NEGR1: variants seen among roughly 807,000 people sequenced by gnomAD.
NEGR1 encodes neuronal growth regulator 1.
A neutral mutation model predicts 40.9 loss-of-function variants in NEGR1; 10 were observed. The ratio of observed to expected loss-of-function variants is 0.24; its 90% confidence interval spans 0.15 to 0.42. NEGR1 has a LOEUF of 0.42. Among genes scored for constraint, NEGR1 ranks in the 10% least tolerant of loss-of-function variants. The probability of loss-of-function intolerance (pLI) is 1.00; values close to 1 mark genes in which losing one functional copy is unlikely to be tolerated. For synonymous variants in NEGR1, 185 were observed against 166.8 expected (o/e 1.11, Z -0.84); for missense variants, 352 against 438.9 (o/e 0.80, Z 1.77).
At chr1:72,047,917 T>C (rs1166669160) in intron 1 of NEGR1, among the ~76,000 whole-genome samples, 1 of 151,534 alleles carries the variant, frequency 6.6e-6, no homozygotes, top group East Asian at 1.9e-4. Context: ...AGTATACAAA[T>C]ATTCTTCACT....
At chr1:72,178,024 T>C (rs1462218301) in intron 1 of NEGR1, among the ~76,000 whole-genome samples, 1 of 152,068 alleles carries the variant, frequency 6.6e-6, no homozygotes, top group Non-Finnish European at 1.5e-5. Context: ...ATTAACCTAG[T>C]TCTCAGATGT....
intron 2 of NEGR1, among the ~76,000 whole-genome samples, chr1:71,798,631 C>T (rs906108485): frequency 6.6e-6 from 1 of 152,156 alleles, no homozygotes; most frequent in Non-Finnish European, 1.5e-5. Flanking sequence ...TTGCTCAGAT[C>T]ACTTAATTGT....
At chr1:71,613,331 T>C (rs1650327669) in intron 4 of NEGR1, among the ~76,000 whole-genome samples, 1 of 151,886 alleles carries the variant, frequency 6.6e-6, no homozygotes, top group Non-Finnish European at 1.5e-5. Context: ...TTGACTGAGA[T>C]GAAAAGGACA....
At position 71,864,167 on chromosome 1, in the gene NEGR1, G is replaced by A. The variant is rs750548970; in HGVS notation, c.409+70912C>T. 3.9e-5 allele frequency among the ~76,000 whole-genome samples: 6 copies of A among 152,086 alleles called. No homozygotes were observed. The South Asian group carries it at 6.2e-4, about 16-fold the overall frequency. On this transcript the variant is annotated intron_variant, in intron 2 of 6. Coordinates refer to ENST00000357731, the MANE Select transcript of NEGR1 (RefSeq NM_173808.3). The stretch of plus-strand genomic sequence containing the variant: ...CAGGGGGCCGTCTTAGGGAGAGGTC[G>A]CCTGGGTCCACAGGTTTCATGGTAC...
At chr1:72,221,708 A>AT (rs1654017488) in intron 1 of NEGR1, among the ~76,000 whole-genome samples, 1 of 152,046 alleles carries the variant, frequency 6.6e-6, no homozygotes, top group African/African-American at 2.4e-5. Context: ...AAGTCCTATT[A>AT]ATTTTTTTTA....
intron 4 of NEGR1, among the ~76,000 whole-genome samples, chr1:71,652,492 C>A (rs529602438): frequency 6.6e-6 from 1 of 152,178 alleles, no homozygotes; most frequent in Non-Finnish European, 1.5e-5. Context: ...TATATGGCTA[C>A]TTATATACTA....
At chr1:71,984,744 T>G (rs1237683763) in intron 1 of NEGR1, among the ~76,000 whole-genome samples, 4 of 152,148 alleles carry the variant, frequency 2.6e-5, no homozygotes, top group Non-Finnish European at 5.9e-5. Context: ...CTTAATATTA[T>G]TTTTCAGAGA....
chr1:72,122,466 T>C (rs1225016539), intron 1 of NEGR1, among the ~76,000 whole-genome samples: 3 of 152,054 alleles, frequency 2.0e-5, no homozygotes, highest in Non-Finnish European at 1.5e-5. Flanking sequence ...CTTTTTCACA[T>C]ACATAAACTT....
intron 2 of NEGR1, among the ~76,000 whole-genome samples, chr1:71,844,244 C>T (rs143932782): frequency 2.2e-4 from 34 of 152,212 alleles, no homozygotes; most frequent in Admixed American, 5.9e-4. Context: ...CATAATGCCT[C>T]AATGGGGAAA....
intron 6 of NEGR1, chr1:71,422,553 G>A (rs2101281070): frequency 6.6e-6 from 1 of 152,252 alleles, no homozygotes; most frequent in Admixed American, 6.5e-5. Flanking sequence ...CTAAAGACAG[G>A]GGCCTAGGTC....
In NEGR1 at chr1:71,999,632, AATATATATATATATATATATAT is replaced by A. The variant is rs528857972; in HGVS notation, c.177-64343_177-64322del. ...ATGTATTTGCATCTTGAGCAAAGCA[AATATATATATATATATATATAT>A]ATATATATATATATATATATATATA... On this transcript the variant is annotated intron_variant, in intron 1 of 6. Transcript: ENST00000357731. Among the ~76,000 whole-genome samples the A allele has an allele frequency of 5.8e-3, 280 of 48,364 alleles. 8 individuals carry two copies. Among genetic ancestry groups the A allele is most frequent in the Non-Finnish European group, 6.5e-3 (163 of 25,046 alleles). The allele number at this position is 48,364 out of a possible 152,430, so 31.7% of individuals were successfully genotyped here. A position where few individuals can be genotyped will look rare whatever the true frequency, so the allele number is the denominator to read the frequency against.
chr1:71,629,027 A>G (rs1365575098), intron 4 of NEGR1, among the ~76,000 whole-genome samples: 1 of 152,084 alleles, frequency 6.6e-6, no homozygotes, highest in Non-Finnish European at 1.5e-5. Context: ...TTACACTCCC[A>G]CCAACAGTGT....
intron 1 of NEGR1, among the ~76,000 whole-genome samples, chr1:72,142,214 G>A (rs1178337971): frequency 2.6e-5 from 4 of 151,722 alleles, no homozygotes; most frequent in East Asian, 3.9e-4. Flanking sequence ...TTAATGCTTC[G>A]TTAAGGAGGT....
At chr1:71,933,078 G>C (rs1385652094) in intron 2 of NEGR1, among the ~76,000 whole-genome samples, 4 of 151,830 alleles carry the variant, frequency 2.6e-5, no homozygotes, top group African/African-American at 4.8e-5. Flanking sequence ...CAGTAACATG[G>C]ATTTTTCTTT....
At chr1:71,726,260 T>C (rs531787260) in intron 3 of NEGR1, among the ~76,000 whole-genome samples, 10 of 152,158 alleles carry the variant, frequency 6.6e-5, no homozygotes, top group Admixed American at 2.6e-4. Context: ...CCCACCCAGT[T>C]TGAGAGTGAG....
At chr1:72,279,211 T>C (rs1163430628) in intron 1 of NEGR1, among the ~76,000 whole-genome samples, 1 of 152,166 alleles carries the variant, frequency 6.6e-6, no homozygotes, top group African/African-American at 2.4e-5. Flanking sequence ...GATAACAGAA[T>C]GAATTTCCCT....
chr1:71,942,253 C>A (rs1212266155), intron 1 of NEGR1, among the ~76,000 whole-genome samples: 1 of 145,496 alleles, frequency 6.9e-6, no homozygotes, highest in South Asian at 2.1e-4. Flanking sequence ...ACCAAATCCT[C>A]GAACATCTTA....
At chr1:72,072,512 A>G (rs948602072) in intron 1 of NEGR1, among the ~76,000 whole-genome samples, 10 of 152,192 alleles carry the variant, frequency 6.6e-5, no homozygotes, top group Non-Finnish European at 1.5e-4. Context: ...GATCTAATAT[A>G]CTTTTCCTAT....
chr1:71,750,307 T>C (rs902116133), intron 3 of NEGR1, among the ~76,000 whole-genome samples: 1 of 152,202 alleles, frequency 6.6e-6, no homozygotes, highest in Non-Finnish European at 1.5e-5. Context: ...TCCTTTCTTT[T>C]GGACGATAAG....
Sources: allele counts gnomAD v4.1 joint callset (sites outside exome capture counted in the v4.1 genomes callset), GRCh38; gene constraint gnomAD v4.1.1; transcripts MANE v1.5; gene names NCBI Gene and HGNC (gene_info 2026-07-23, HGNC 2026-07-21).